AFF2: variants seen among roughly 807,000 people sequenced by gnomAD.
AFF2 encodes AF4/FMR2 family member 2.
A neutral mutation model predicts 76.9 loss-of-function variants in AFF2; 14 were observed. The observed-to-expected ratio is 0.18, with a 90% CI of 0.12 to 0.28. AFF2 has a LOEUF of 0.28. Among genes scored for constraint, AFF2 ranks in the 10% least tolerant of loss-of-function variants. The probability of loss-of-function intolerance (pLI) is 1.00; values close to 1 mark genes in which losing one functional copy is unlikely to be tolerated. For missense variants in AFF2, 868 were observed against 1,001.1 expected (o/e 0.87, Z 1.79); for synonymous variants, 398 against 366.7 (o/e 1.09, Z -0.98).
At chrX:148,698,324 T>A (rs978100046) in intron 3 of AFF2, among the ~76,000 whole-genome samples, 1 of 112,714 alleles carries the variant, frequency 8.9e-6, no homozygotes, top group Admixed American at 9.4e-5. Flanking sequence ...TCTTAATTTA[T>A]TTTTGATGCT....
chrX:148,712,031 G>T (rs1237361887), intron 3 of AFF2, among the ~76,000 whole-genome samples: 1 of 111,467 alleles, frequency 9.0e-6, no homozygotes, highest in Non-Finnish European at 1.9e-5. Flanking sequence ...CAGTCTGTGG[G>T]CATTGGTAAG....
chrX:148,883,645 T>C (rs1404732098), intron 7 of AFF2, among the ~76,000 whole-genome samples: 1 of 111,633 alleles, frequency 9.0e-6, no homozygotes, highest in African/African-American at 3.3e-5. Flanking sequence ...TACCATCTTT[T>C]ATAAGTTGTA....
chrX:148,967,198 T>G, intron 14 of AFF2, 119 bp downstream of exon 14: 1 of 1,051,124 alleles, frequency 9.5e-7, no homozygotes, highest in Non-Finnish European at 1.3e-6. Context: ...TCAAATCCTA[T>G]ACCCTTAAAA....
chrX:148,521,398 ACACACACACACACT>A (rs1557234473), intron 1 of AFF2, among the ~76,000 whole-genome samples: 53 of 104,600 alleles, frequency 5.1e-4, no homozygotes, highest in South Asian at 8.7e-4. Context: ...ACACACACAC[ACACACACACACACT>A]CACTGAGACT....
intron 3 of AFF2, among the ~76,000 whole-genome samples, chrX:148,667,487 C>T (rs1424970333): frequency 8.9e-6 from 1 of 111,969 alleles, no homozygotes; most frequent in Non-Finnish European, 1.9e-5. Flanking sequence ...AGTCTGTTTT[C>T]ATGCTGCTGA....
At chrX:148,656,186 G>C (rs1366061106) in intron 2 of AFF2, among the ~76,000 whole-genome samples, 2 of 111,969 alleles carry the variant, frequency 1.8e-5, no homozygotes, top group African/African-American at 3.3e-5. Context: ...GATTTGGTTG[G>C]TAATAGGGAA....
chrX:148,549,676 T>G (rs1190531911), intron 1 of AFF2, among the ~76,000 whole-genome samples: 1 of 111,868 alleles, frequency 8.9e-6, no homozygotes, highest in Admixed American at 9.5e-5. Context: ...ACCTGGATGA[T>G]GACAATCACA....
rs892343909 is a variant in AFF2, at chrX:148,968,724, C to A, written c.3267+1032C>A. On this transcript the variant is annotated intron_variant, in intron 15 of 20. Transcript: ENST00000370460. ...TTCCCCACTGTGGTACAAATTGCTT[C>A]GTGTCTGCAGGTGACCTTTCTGTGG... Among the ~76,000 whole-genome samples, 23 of 112,051 alleles carry A rather than the reference C, an allele frequency of 2.1e-4. 2 individuals carry two copies. The highest frequency in any genetic ancestry group is 2.0e-3 in the Admixed American group (21 of 10,620).
chrX:148,946,147 A>C (rs782343342), intron 9 of AFF2, among the ~76,000 whole-genome samples: 87 of 112,413 alleles, frequency 7.7e-4, no homozygotes, highest in South Asian at 3.7e-3. Flanking sequence ...TGATCGAAAA[A>C]TGTAAAAAGC....
At chrX:148,595,203 T>C (rs377124720) in intron 1 of AFF2, among the ~76,000 whole-genome samples, 8 of 111,987 alleles carry the variant, frequency 7.1e-5, no homozygotes, top group African/African-American at 2.6e-4. Flanking sequence ...CTTAGCCAAA[T>C]TATCGATAAA....
Position 148,500,631 on chromosome X carries a change from A to AGCCGCTGCCGCCGCCGCCGCCGCC in AFF2, c.-461_-438dup, listed in dbSNP as rs1341735122. The AGCCGCTGCCGCCGCCGCCGCCGCC allele has an allele frequency of 1.6e-5, 1 of 62,510 alleles. No homozygotes were observed. Among genetic ancestry groups the AGCCGCTGCCGCCGCCGCCGCCGCC allele is most frequent in the Non-Finnish European group, 3.2e-5 (1 of 31,486 alleles). 5.2% of individuals were successfully genotyped at this position (62,510 alleles called of 1,213,427 possible). A position where few individuals can be genotyped will look rare whatever the true frequency, so the allele number is the denominator to read the frequency against. On this transcript the variant is annotated 5_prime_UTR_variant, in exon 1 of 21. Transcript: ENST00000370460. ...CCGCGGCCGCCGCCGCCGCCTGTGC[A>AGCCGCTGCCGCCGCCGCCGCCGCC]GCCGCTGCCGCCGCCGCCGCCGCCG...
At position 148,649,575 on chromosome X, in the gene AFF2, C is replaced by T. The variant is rs1300739666; in HGVS notation, c.48-2424C>T. Among the ~76,000 whole-genome samples, 4 of 112,047 alleles carry T rather than the reference C, an allele frequency of 3.6e-5. No individual in the cohort carries two copies. In the East Asian group the frequency reaches 8.4e-4, roughly 24 times the overall value. On this transcript the variant is annotated intron_variant, in intron 1 of 20. Coordinates refer to ENST00000370460, the MANE Select transcript of AFF2 (RefSeq NM_002025.4). ...AGTTTTGCTTGCAACAGATAACACC[C>T]GCATGCACACTCAATCTGCTATTCA... is the stretch of plus-strand genomic sequence containing the variant.
Position 148,907,568 on chromosome X carries a change from G to T in AFF2, c.1397+3310G>T, listed in dbSNP as rs782655737. Among the ~76,000 whole-genome samples, 6 of 111,061 alleles carry T rather than the reference G, an allele frequency of 5.4e-5. No individual in the cohort carries two copies. In the East Asian group the frequency reaches 1.7e-3, roughly 32 times the overall value. Reference sequence around the variant, plus strand: ...CAGGTTCTGTGATGCCCCCCAAGCCGCAAAACCAGCAAGTTTCTATTAGTG... The same window carrying T: ...CAGGTTCTGTGATGCCCCCCAAGCCTCAAAACCAGCAAGTTTCTATTAGTG... On this transcript the variant is annotated intron_variant, in intron 9 of 20. Coordinates refer to ENST00000370460, the MANE Select transcript of AFF2 (RefSeq NM_002025.4).
chrX:148,558,746 T>G (rs1044998727), intron 1 of AFF2, among the ~76,000 whole-genome samples: 2 of 111,960 alleles, frequency 1.8e-5, no homozygotes, highest in Non-Finnish European at 3.8e-5. Context: ...TTAGCCTTAC[T>G]CAGCTAAAGG....
Position 148,978,405 on chromosome X carries a change from A to C in AFF2, c.3520A>C (p.Lys1174Gln). ...SLLYLRMFKL[K>Q]KDHAMKYSRS... ...CCTCTATTTGAGAATGTTTAAGCTGAAGAAGGACCATGCTATGAAGTACTC... is the reference window on the plus strand; with the variant it reads ...CCTCTATTTGAGAATGTTTAAGCTGCAGAAGGACCATGCTATGAAGTACTC... Residue 1174 changes from lysine (K) to glutamine (Q), a missense_variant, in exon 18 of 21, where the codon AAG (lysine) becomes CAG (glutamine). By Grantham distance (53) the Lys-to-Gln change is moderately conservative. Coordinates refer to ENST00000370460, the MANE Select transcript of AFF2 (RefSeq NM_002025.4). 1 of 1,205,516 alleles carries C rather than the reference A, an allele frequency of 8.3e-7. No individual in the cohort carries two copies. The highest frequency in any genetic ancestry group is 1.7e-5 in the African/African-American group (1 of 57,861).
intron 15 of AFF2, among the ~76,000 whole-genome samples, chrX:148,969,892 C>T (rs1557289316): frequency 9.0e-6 from 1 of 110,804 alleles, no homozygotes; most frequent in African/African-American, 3.3e-5. Context: ...GATGGGGAAA[C>T]AGTCCCAGGG....
intron 3 of AFF2, among the ~76,000 whole-genome samples, chrX:148,807,211 T>C (rs1386654294): frequency 8.9e-6 from 1 of 111,983 alleles, no homozygotes; most frequent in Non-Finnish European, 1.9e-5. Context: ...TGGATATTTA[T>C]ATTTCAAAGA....
chrX:148,959,782 C>T (rs1293058514), intron 12 of AFF2, among the ~76,000 whole-genome samples: 2 of 112,443 alleles, frequency 1.8e-5, no homozygotes, highest in Non-Finnish European at 3.8e-5. Context: ...TGTGAGGAAG[C>T]ATGCTCCCCT....
At chrX:148,985,893 A>T (rs1557291478) in intron 19 of AFF2, among the ~76,000 whole-genome samples, 1 of 111,002 alleles carries the variant, frequency 9.0e-6, no homozygotes, top group African/African-American at 3.3e-5. Context: ...AAATGGTCCA[A>T]CTCTGTCCTA....
Sources: allele counts gnomAD v4.1 joint callset (sites outside exome capture counted in the v4.1 genomes callset), GRCh38; gene constraint gnomAD v4.1.1; transcripts MANE v1.5; gene names NCBI Gene and HGNC (gene_info 2026-07-23, HGNC 2026-07-21).